FRMD4B: variants seen among roughly 807,000 people sequenced by gnomAD.
The protein encoded by FRMD4B is FERM domain-containing protein 4B.
A neutral mutation model predicts 141.5 loss-of-function variants in FRMD4B; 74 were observed. The ratio of observed to expected loss-of-function variants is 0.52; its 90% CI spans 0.43 to 0.63. FRMD4B has a LOEUF of 0.63. FRMD4B is among the 30% of genes least tolerant of loss of function. The probability of loss-of-function intolerance (pLI) is 0.00; values close to 1 mark genes in which losing one functional copy is unlikely to be tolerated. For missense variants in FRMD4B, 1,366 were observed against 1,253.4 expected (o/e 1.09, Z -1.36); for synonymous variants, 506 against 467.9 (o/e 1.08, Z -1.05).
chr3:69,465,908 G>A (rs944826353), intron 1 of FRMD4B, among the ~76,000 whole-genome samples: 8 of 152,150 alleles, frequency 5.3e-5, no homozygotes, highest in Non-Finnish European at 1.2e-4. Flanking sequence ...TATACACCCC[G>A]TAATGGGATT....
intron 1 of FRMD4B, among the ~76,000 whole-genome samples, chr3:69,366,260 AAAAAAC>A (rs1199679568): frequency 2.9e-5 from 4 of 135,786 alleles, no homozygotes; most frequent in African/African-American, 6.1e-5. Flanking sequence ...GCTCTGTCTC[AAAAAAC>A]AAAAACAAAA....
chr3:69,197,589 AGGGAGAG>A (rs2092921493), intron 12 of FRMD4B: 1 of 120,362 alleles, frequency 8.3e-6, no homozygotes, highest in Non-Finnish European at 1.7e-5. Context: ...AGAGAGGAGG[AGGGAGAG>A]GGGAGAGGGG....
chr3:69,188,548 G>C (rs914519200), intron 18 of FRMD4B, among the ~76,000 whole-genome samples: 7 of 151,176 alleles, frequency 4.6e-5, no homozygotes, highest in Non-Finnish European at 1.0e-4. Context: ...ATGAGGTCAG[G>C]AGATCGAGAC....
At chr3:69,223,570 G>T (rs1209298434) in intron 8 of FRMD4B, among the ~76,000 whole-genome samples, 2 of 152,044 alleles carry the variant, frequency 1.3e-5, no homozygotes, top group African/African-American at 2.4e-5. Context: ...CGGGCCCGGT[G>T]GCTCACACCT....
intron 5 of FRMD4B, among the ~76,000 whole-genome samples, chr3:69,255,605 T>C (rs1432634730): frequency 6.6e-6 from 1 of 152,198 alleles, no homozygotes; most frequent in African/African-American, 2.4e-5. Context: ...GGTGGATATC[T>C]GTTTTGACTG....
chr3:69,520,693 C>T (rs1214152254), intron 1 of FRMD4B, among the ~76,000 whole-genome samples: 4 of 152,060 alleles, frequency 2.6e-5, no homozygotes, highest in Middle Eastern at 3.4e-3. Flanking sequence ...TTCTAAGGTG[C>T]ATTTTACATA....
At chr3:69,525,053 T>G (rs1295710164) in intron 1 of FRMD4B, among the ~76,000 whole-genome samples, 1 of 152,154 alleles carries the variant, frequency 6.6e-6, no homozygotes, top group Non-Finnish European at 1.5e-5. Context: ...GCAGGCAGAA[T>G]GGAAGTGGGA....
chr3:69,224,576 A>G (rs759382368), intron 8 of FRMD4B, 31 bp downstream of exon 8: 1 of 1,037,204 alleles, frequency 9.6e-7, no homozygotes, highest in Admixed American at 1.9e-5. Flanking sequence ...GGCTATGAAA[A>G]TGAGACACCT....
chr3:69,205,354 G>A (rs187426678), intron 11 of FRMD4B, among the ~76,000 whole-genome samples: 39 of 152,070 alleles, frequency 2.6e-4, no homozygotes, highest in Non-Finnish European at 4.9e-4. Context: ...TATTTCATTG[G>A]GGGTATTTCA....
At chr3:69,531,030 G>C (rs931261872) in intron 1 of FRMD4B, among the ~76,000 whole-genome samples, 2 of 152,216 alleles carry the variant, frequency 1.3e-5, no homozygotes, top group Non-Finnish European at 2.9e-5. Flanking sequence ...CTTGCAGTTA[G>C]AGAGACATGG....
intron 1 of FRMD4B, among the ~76,000 whole-genome samples, chr3:69,343,098 G>A (rs1270477773): frequency 1.8e-5 from 2 of 110,038 alleles, no homozygotes; most frequent in Non-Finnish European, 4.3e-5. Context: ...GGACTGCAGA[G>A]GCACACCACC....
intron 1 of FRMD4B, among the ~76,000 whole-genome samples, chr3:69,517,915 AGCTT>A (rs1407805540): frequency 1.3e-5 from 2 of 152,306 alleles, no homozygotes; most frequent in African/African-American, 4.8e-5. Flanking sequence ...TTGCAAAAAC[AGCTT>A]GCTAGGCTGC....
chr3:69,182,903 A>G (rs2092723843), intron 19 of FRMD4B, among the ~76,000 whole-genome samples, 186 bp from the exon 20 acceptor site: 3 of 152,148 alleles, frequency 2.0e-5, no homozygotes. Context: ...GGGAGCACAT[A>G]TGGTCTGACT....
chr3:69,444,447 T>G (rs2106871304), intron 1 of FRMD4B, among the ~76,000 whole-genome samples: 1 of 152,286 alleles, frequency 6.6e-6, no homozygotes, highest in East Asian at 1.9e-4. Context: ...AATCCACACA[T>G]TTGGTATCAG....
intron 11 of FRMD4B, among the ~76,000 whole-genome samples, chr3:69,210,065 T>C (rs2093060676): frequency 1.3e-5 from 2 of 151,568 alleles, no homozygotes; most frequent in African/African-American, 4.9e-5. Context: ...ATTTGGGAAT[T>C]CCAATATATA....
At chr3:69,479,535 C>G (rs887682544) in intron 1 of FRMD4B, among the ~76,000 whole-genome samples, 1 of 152,128 alleles carries the variant, frequency 6.6e-6, no homozygotes, top group East Asian at 1.9e-4. Flanking sequence ...AATATTGGCC[C>G]CCACTCTCTT....
At chr3:69,519,989 T>A (rs1207873675) in intron 1 of FRMD4B, among the ~76,000 whole-genome samples, 2 of 112,438 alleles carry the variant, frequency 1.8e-5, no homozygotes, top group African/African-American at 7.4e-5. Context: ...TGTGGCTGAG[T>A]AGTATTCCAT....
chr3:69,508,771 A>G (rs1019290724), intron 1 of FRMD4B, among the ~76,000 whole-genome samples: 1 of 152,232 alleles, frequency 6.6e-6, no homozygotes, highest in Non-Finnish European at 1.5e-5. Context: ...GCAACATATT[A>G]TAGCCACCTT....
intron 8 of FRMD4B, among the ~76,000 whole-genome samples, chr3:69,222,727 C>A (rs188213320): frequency 2.0e-5 from 3 of 152,062 alleles, no homozygotes; most frequent in Admixed American, 6.6e-5. Context: ...GCCGAGCTTG[C>A]GCCATTGCAC....
Sources: gnomAD v4.1 joint callset for allele counts (sites outside exome capture counted in the v4.1 genomes callset) on GRCh38, gnomAD v4.1.1 for gene constraint, MANE v1.5 for transcripts, NCBI Gene and HGNC (gene_info 2026-07-23, HGNC 2026-07-21) for gene names.